The following NRG3 variants were observed in gnomAD, a reference collection of about 807,000 sequenced individuals.
NRG3 encodes the protein neuregulin 3.
A neutral mutation model predicts 66.9 loss-of-function variants in NRG3; 31 were observed. The observed-to-expected ratio is 0.46, with a 90% CI of 0.35 to 0.63. The LOEUF is 0.63. Ranked by LOEUF, NRG3 falls within the 20% of genes least tolerant of loss-of-function variation. The pLI, the probability that NRG3 is intolerant of heterozygous loss-of-function variation, is 0.00. For missense variants in NRG3, 910 were observed against 878.9 expected, an observed-to-expected ratio of 1.04 and a Z score of -0.45; for synonymous variants, 393 against 359.4, an observed-to-expected ratio of 1.09 and a Z score of -1.06.
chr10:82,379,459 A>G (rs924707993), intron 2 of NRG3, among the ~76,000 whole-genome samples: 3 of 152,160 alleles, frequency 2.0e-5, no homozygotes, highest in Admixed American at 2.0e-4. Flanking sequence ...TGAAAGAGAG[A>G]ATACTAGATA....
chr10:82,653,911 C>G (rs1489831019), intron 2 of NRG3, among the ~76,000 whole-genome samples: 1 of 152,172 alleles, frequency 6.6e-6, no homozygotes, highest in Admixed American at 6.5e-5. Context: ...CACACATACA[C>G]TTCTAGGTGG....
At chr10:82,650,995 G>A (rs1284949014) in intron 2 of NRG3, among the ~76,000 whole-genome samples, 1 of 152,158 alleles carries the variant, frequency 6.6e-6, no homozygotes, top group Non-Finnish European at 1.5e-5. Context: ...AGAAGCTTTA[G>A]CTCAAGTTTG....
chr10:82,932,368 A>G (rs1420987355), intron 4 of NRG3, among the ~76,000 whole-genome samples: 2 of 152,226 alleles, frequency 1.3e-5, no homozygotes, highest in African/African-American at 4.8e-5. Flanking sequence ...TATTCTTTCC[A>G]TAAATTCAAG....
intron 2 of NRG3, among the ~76,000 whole-genome samples, chr10:82,552,270 G>A (rs1451538764): frequency 2.0e-5 from 3 of 152,060 alleles, no homozygotes; most frequent in Non-Finnish European, 4.4e-5. Flanking sequence ...CAGGATAAAA[G>A]CCAGATATTT....
intron 3 of NRG3, among the ~76,000 whole-genome samples, chr10:82,749,171 G>A (rs543588883): frequency 6.6e-6 from 1 of 152,208 alleles, no homozygotes; most frequent in Non-Finnish European, 1.5e-5. Flanking sequence ...GAGTAGGGAA[G>A]GCTTTGCTGC....
chr10:82,617,808 A>G (rs748638126), intron 2 of NRG3, among the ~76,000 whole-genome samples: 3 of 152,170 alleles, frequency 2.0e-5, no homozygotes, highest in Non-Finnish European at 2.9e-5. Context: ...CAGGTCTTCA[A>G]TTGTGTTTTG....
At chr10:82,520,048 G>A (rs768303807) in intron 2 of NRG3, among the ~76,000 whole-genome samples, 8 of 151,926 alleles carry the variant, frequency 5.3e-5, no homozygotes, top group Admixed American at 3.3e-4. Context: ...GTGTGCTATG[G>A]TAGATCATTT....
intron 2 of NRG3, among the ~76,000 whole-genome samples, chr10:82,376,426 C>T (rs769240775): frequency 1.3e-5 from 2 of 152,098 alleles, no homozygotes; most frequent in African/African-American, 2.4e-5. Flanking sequence ...CTTTGGGTTT[C>T]GTTTATTTAT....
intron 1 of NRG3, among the ~76,000 whole-genome samples, chr10:82,008,941 T>C (rs2061476583): frequency 6.6e-6 from 1 of 152,154 alleles, no homozygotes; most frequent in South Asian, 2.1e-4. Context: ...GGCCTATATA[T>C]GGAGAGTTCT....
intron 2 of NRG3, among the ~76,000 whole-genome samples, chr10:82,482,882 A>T (rs1399227242): frequency 6.6e-6 from 1 of 152,142 alleles, no homozygotes; most frequent in Non-Finnish European, 1.5e-5. Context: ...GGCAAATGAG[A>T]GAGAGTCATA....
intron 2 of NRG3, among the ~76,000 whole-genome samples, chr10:82,581,489 T>C (rs1217587332): frequency 6.6e-6 from 1 of 152,022 alleles, no homozygotes; most frequent in Non-Finnish European, 1.5e-5. Context: ...TTTTCTTTCA[T>C]AGATGGTACT....
intron 3 of NRG3, among the ~76,000 whole-genome samples, chr10:82,749,067 T>C (rs1473599981): frequency 2.0e-5 from 3 of 152,120 alleles, no homozygotes; most frequent in African/African-American, 4.8e-5. Context: ...TTCTAACAAA[T>C]TGCAATATGG....
intron 2 of NRG3, among the ~76,000 whole-genome samples, chr10:82,377,055 G>T (rs374079602): frequency 3.5e-4 from 54 of 152,210 alleles, no homozygotes; most frequent in African/African-American, 1.2e-3. Flanking sequence ...GTGTAAGCTT[G>T]CCCCTCCTTA....
chr10:82,479,966 TCAAAAACAAAAA>T (rs60881629), intron 2 of NRG3, among the ~76,000 whole-genome samples: 4 of 152,098 alleles, frequency 2.6e-5, no homozygotes, highest in South Asian at 2.1e-4. Flanking sequence ...AGACTGCGTC[TCAAAAACAAAAA>T]CAAAAACAAA....
intron 1 of NRG3, among the ~76,000 whole-genome samples, chr10:81,939,201 A>G (rs1848179946): frequency 6.6e-6 from 1 of 151,898 alleles, no homozygotes; most frequent in African/African-American, 2.4e-5. Context: ...TTGCATCAAT[A>G]TTTATCATAG....
At chr10:82,452,261 T>A (rs1390411584) in intron 2 of NRG3, among the ~76,000 whole-genome samples, 1 of 152,204 alleles carries the variant, frequency 6.6e-6, no homozygotes. Flanking sequence ...GACTATGAAG[T>A]CAGACTGTCC....
intron 1 of NRG3, among the ~76,000 whole-genome samples, chr10:81,992,355 C>T (rs1377667562): frequency 6.6e-6 from 1 of 152,140 alleles, no homozygotes; most frequent in Non-Finnish European, 1.5e-5. Flanking sequence ...TTGTCAATAA[C>T]TGTCTGCTGT....
At chr10:82,718,854 G>A (rs2057127786) in intron 2 of NRG3, among the ~76,000 whole-genome samples, 1 of 152,122 alleles carries the variant, frequency 6.6e-6, no homozygotes, top group Admixed American at 6.5e-5. Flanking sequence ...TTGTAGCCTA[G>A]GGAAGTTTTA....
intron 2 of NRG3, among the ~76,000 whole-genome samples, chr10:82,585,516 C>T (rs2046617056): frequency 6.6e-6 from 1 of 152,130 alleles, no homozygotes; most frequent in African/African-American, 2.4e-5. Flanking sequence ...GTACACTGTC[C>T]TAGTCACAGA....
Sources: gnomAD v4.1 joint callset for allele counts (sites outside exome capture counted in the v4.1 genomes callset) on GRCh38, gnomAD v4.1.1 for gene constraint, MANE v1.5 for transcripts, NCBI Gene and HGNC (gene_info 2026-07-23, HGNC 2026-07-21) for gene names.